The following PGM5 variants were observed in gnomAD, a reference collection of about 807,000 sequenced individuals.
PGM5 encodes the protein phosphoglucomutase 5, also known as phosphoglucomutase-like protein 5.
In PGM5, 23 loss-of-function variants were observed where a neutral mutation model predicts 59.2. The observed-to-expected ratio is 0.39, with a 90% CI of 0.28 to 0.55. PGM5 has a LOEUF of 0.55. Among genes scored for constraint, PGM5 ranks in the 20% least tolerant of loss-of-function variants. PGM5 has a pLI of 0.66. For synonymous variants in PGM5, 214 were observed against 286.0 expected (o/e 0.75, Z 2.54); for missense variants, 574 against 748.3 (o/e 0.77, Z 2.72).
At chr9:68,517,716 A>G (rs1018037502) in intron 10 of PGM5, among the ~76,000 whole-genome samples, 1 of 152,246 alleles carries the variant, frequency 6.6e-6, no homozygotes, top group Non-Finnish European at 1.5e-5. Context: ...CAGGAAAATG[A>G]TTACAAAACA....
In PGM5 at chr9:68,479,472, C is replaced by G. The variant is rs1229580653; in HGVS notation, c.1214C>G (p.Ser405Cys). 6.2e-7 allele frequency: 1 copy of G among 1,613,844 alleles called. No individual in the cohort carries two copies. The highest frequency in any genetic ancestry group is 8.5e-7 in the Non-Finnish European group (1 of 1,179,998). ...CTGTGGGCTGTCTTGGTCTGGCTCT[C>G]CATTATTGCTGCCCGGAAGCAGAGT... ...DGLWAVLVWL[S>C]IIAARKQSVE... Residue 405 changes from serine (S) to cysteine (C), a missense_variant, in exon 8 of 11, where the codon TCC (serine) becomes TGC (cysteine). Transcript: ENST00000396396.
chr9:68,515,593 G>C (rs1824812884), intron 10 of PGM5, among the ~76,000 whole-genome samples: 1 of 152,196 alleles, frequency 6.6e-6, no homozygotes, highest in Non-Finnish European at 1.5e-5. Context: ...TATAGGGCCT[G>C]TTGCACACAA....
chr9:68,520,797 A>G (rs1824890676), intron 10 of PGM5, among the ~76,000 whole-genome samples: 1 of 152,232 alleles, frequency 6.6e-6, no homozygotes, highest in Non-Finnish European at 1.5e-5. Flanking sequence ...ACAGTATGCT[A>G]ACAAGGGAGA....
intron 6 of PGM5, among the ~76,000 whole-genome samples, chr9:68,413,840 T>C (rs1377264483): frequency 6.6e-6 from 1 of 152,150 alleles, no homozygotes; most frequent in African/African-American, 2.4e-5. Flanking sequence ...TTTTCACCCA[T>C]TCTGGTGTAG....
chr9:68,382,675 A>G (rs1554678429), intron 2 of PGM5, among the ~76,000 whole-genome samples: 1 of 151,684 alleles, frequency 6.6e-6, no homozygotes, highest in East Asian at 1.9e-4. Flanking sequence ...TTTAATATAT[A>G]TTATAATTGT....
chr9:68,414,547 C>G (rs1554681834), intron 6 of PGM5, among the ~76,000 whole-genome samples: 1 of 151,988 alleles, frequency 6.6e-6, no homozygotes, highest in African/African-American at 2.4e-5. Flanking sequence ...ACCTCCTCTG[C>G]CCTGGGCAGG....
rs1243430442 is a variant in PGM5 at position 68,483,951 on chromosome 9, G to A, written c.1382G>A (p.Gly461Asp). The change falls in exon 9 of 11, where the codon GGC becomes GAC. Residue 461 changes from glycine (G) to aspartate (D), a missense_variant. Physicochemically the swap from Gly to Asp is moderately conservative, Grantham distance 94. Around this residue, in one of 7 missense-constraint regions of PGM5, gnomAD observed 300 missense variants for 280.0 expected, o/e 1.07. Transcript: ENST00000396396. ...EALVTDKSFI[G>D]QQFAVGSHVY... is the part of the protein sequence containing the mutation. Reference sequence around the variant, plus strand: ...CTGGTCACAGACAAATCCTTCATTGGCCAGCAGTTTGCTGTGGGGAGCCAT... The same window carrying A: ...CTGGTCACAGACAAATCCTTCATTGACCAGCAGTTTGCTGTGGGGAGCCAT... 5.6e-6 allele frequency: 9 copies of A among 1,614,024 alleles called. No individual in the cohort carries two copies. Among genetic ancestry groups the A allele is most frequent in the Non-Finnish European group, 5.9e-6 (7 of 1,180,018 alleles).
chr9:68,463,827 AC>A (rs1823893112), intron 6 of PGM5, among the ~76,000 whole-genome samples: 1 of 152,196 alleles, frequency 6.6e-6, no homozygotes, highest in South Asian at 2.1e-4. Context: ...ACAGTCTCTG[AC>A]ATATGACGGT....
intron 6 of PGM5, among the ~76,000 whole-genome samples, chr9:68,408,993 T>G (rs1822873310): frequency 6.6e-6 from 1 of 152,100 alleles, no homozygotes; most frequent in Non-Finnish European, 1.5e-5. Context: ...GTAGTATAGT[T>G]TGAAGTCAGG....
chr9:68,392,446 G>T lies in PGM5; in HGVS notation c.1016G>T (p.Ser339Ile). The change falls in exon 6 of 11, where the codon AGT (serine) becomes ATT (isoleucine). Residue 339 changes from serine (S) to isoleucine (I), a missense_variant. By Grantham distance (142) the Ser-to-Ile change is moderately radical. Coordinates refer to ENST00000396396, the MANE Select transcript of PGM5 (RefSeq NM_021965.4). ...RQMGVRGFGR[S>I]MPTSMALDRV... is the part of the protein sequence containing the mutation. ...ATGGGGGTCCGCGGGTTTGGGAGGAGTATGCCAACCAGCATGGCCCTGGAC... is the reference window on the plus strand; with the variant it reads ...ATGGGGGTCCGCGGGTTTGGGAGGATTATGCCAACCAGCATGGCCCTGGAC... 6.2e-7 allele frequency: 1 copy of T among 1,611,432 alleles called. No individual in the cohort carries two copies. Among genetic ancestry groups the T allele is most frequent in the Non-Finnish European group, 8.5e-7 (1 of 1,179,448 alleles).
In PGM5 at chr9:68,437,958, C is replaced by T. The variant is rs1554683446; in HGVS notation, c.1044-27135C>T. On this transcript the variant is annotated intron_variant, in intron 6 of 10. Transcript: ENST00000396396. The surrounding 1 kb of genome is among the most constrained non-coding windows in gnomAD (Gnocchi z 4.1). The stretch of plus-strand genomic sequence containing the variant: ...TGGCTGCTTTACCACACATCACGTG[C>T]TTGGCTCATGGAGACATTTACTCTC... 2.0e-5 allele frequency among the ~76,000 whole-genome samples: 3 copies of T among 152,112 alleles called. No homozygotes were observed. Among genetic ancestry groups the T allele is most frequent in the African/African-American group, 7.2e-5 (3 of 41,416 alleles).
At chr9:68,458,060 A>G (rs1384626503) in intron 6 of PGM5, among the ~76,000 whole-genome samples, 1 of 152,230 alleles carries the variant, frequency 6.6e-6, no homozygotes, top group Non-Finnish European at 1.5e-5. Flanking sequence ...AACAGCTTAC[A>G]TTAAAGTGCT....
At chr9:68,447,538 G>T (rs1381515413) in intron 6 of PGM5, among the ~76,000 whole-genome samples, 1 of 152,098 alleles carries the variant, frequency 6.6e-6, no homozygotes, top group Non-Finnish European at 1.5e-5. Context: ...GAATGGGGAG[G>T]ATAAAGGTGA....
At chr9:68,429,311 G>A (rs1296677334) in intron 6 of PGM5, 3 of 152,036 alleles carry the variant, frequency 2.0e-5, no homozygotes, top group South Asian at 2.1e-4. Context: ...GCCTACCGTG[G>A]GAAGCTCACT....
At chr9:68,420,097 C>T (rs1823102616) in intron 6 of PGM5, among the ~76,000 whole-genome samples, 1 of 152,146 alleles carries the variant, frequency 6.6e-6, no homozygotes, top group South Asian at 2.1e-4. Flanking sequence ...TAGAGGAATT[C>T]CTGCTATTTA....
rs561890881 is a variant in PGM5 at position 68,358,920 on chromosome 9, G to T, written c.261+1532G>T. 1.6e-4 allele frequency among the ~76,000 whole-genome samples: 24 copies of T among 152,150 alleles called. 1 individual carries two copies. The South Asian group carries it at 5.0e-3, about 32-fold the overall frequency. ...ATTGATGAAGTTTGGCTAGAATCAG[G>T]GAGTTGAAGAGAGGTTGACAAATGG... is the stretch of plus-strand genomic sequence containing the variant. On this transcript the variant is annotated intron_variant, in intron 1 of 10. Transcript: ENST00000396396.
intron 6 of PGM5, among the ~76,000 whole-genome samples, chr9:68,462,626 A>T (rs1554685492): frequency 6.6e-6 from 1 of 152,106 alleles, no homozygotes; most frequent in African/African-American, 2.4e-5. Context: ...CTCCCTTCAG[A>T]CCTGCCAACT....
At chr9:68,525,650 G>T (rs1824960152) in intron 10 of PGM5, among the ~76,000 whole-genome samples, 1 of 152,208 alleles carries the variant, frequency 6.6e-6, no homozygotes. Context: ...TTTGCACAAG[G>T]ATGAAATTGC....
At chr9:68,400,294 A>T (rs1822632497) in intron 6 of PGM5, among the ~76,000 whole-genome samples, 1 of 152,126 alleles carries the variant, frequency 6.6e-6, no homozygotes, top group Admixed American at 6.6e-5. Flanking sequence ...TAATCTCCTG[A>T]TTATGAACAC....
Sources: allele counts gnomAD v4.1 joint callset (sites outside exome capture counted in the v4.1 genomes callset), GRCh38; gene constraint gnomAD v4.1.1; regional missense constraint gnomAD v4.1.1; non-coding constraint Gnocchi (gnomAD v3.1); transcripts MANE v1.5; gene names NCBI Gene and HGNC (gene_info 2026-07-23, HGNC 2026-07-21).